ZNF385D: variants seen among roughly 807,000 people sequenced by gnomAD.
ZNF385D encodes the protein zinc finger protein 659.
Under a neutral mutation model 35.8 loss-of-function variants are expected in ZNF385D, and 15 were observed. The ratio of observed to expected loss-of-function variants is 0.42; its 90% CI spans 0.28 to 0.64. The LOEUF (loss-of-function observed/expected upper bound fraction) is 0.64, where lower values mean the gene tolerates loss of function less well. ZNF385D is among the 30% of genes least tolerant of loss of function. ZNF385D has a pLI of 0.23. For missense variants in ZNF385D, 474 were observed against 494.6 expected (o/e 0.96, Z 0.39); for synonymous variants, 212 against 186.8 (o/e 1.13, Z -1.10).
intron 4 of ZNF385D, among the ~76,000 whole-genome samples, chr3:21,460,870 CT>C (rs991753317): frequency 6.6e-6 from 1 of 152,162 alleles, no homozygotes; most frequent in Non-Finnish European, 1.5e-5. Flanking sequence ...AGCTTTCTCT[CT>C]GTCATGAGAA....
At chr3:21,670,707 A>G (rs1296730475) in intron 1 of ZNF385D, among the ~76,000 whole-genome samples, 1 of 113,546 alleles carries the variant, frequency 8.8e-6, no homozygotes, top group Non-Finnish European at 1.8e-5. Context: ...GCCAAGGAGA[A>G]CCCAAAGAAA....
chr3:21,968,208 A>T (rs1703021163), intron 3 of ZNF385D, among the ~76,000 whole-genome samples: 1 of 152,148 alleles, frequency 6.6e-6, no homozygotes, highest in Non-Finnish European at 1.5e-5. Flanking sequence ...CCACGGAGGG[A>T]GCATTTAGAC....
At chr3:21,496,959 A>G (rs1055130575) in intron 4 of ZNF385D, among the ~76,000 whole-genome samples, 1 of 152,178 alleles carries the variant, frequency 6.6e-6, no homozygotes, top group Non-Finnish European at 1.5e-5. Flanking sequence ...GAATGGGCAA[A>G]GCTGGAAGAA....
intron 3 of ZNF385D, among the ~76,000 whole-genome samples, chr3:22,156,405 T>G (rs925861381): frequency 6.6e-6 from 1 of 152,046 alleles, no homozygotes; most frequent in African/African-American, 2.4e-5. Flanking sequence ...CCTGCACAGA[T>G]GGATTACATG....
intron 3 of ZNF385D, among the ~76,000 whole-genome samples, chr3:21,936,213 G>A (rs755375889): frequency 7.2e-5 from 11 of 152,102 alleles, no homozygotes; most frequent in Non-Finnish European, 1.3e-4. Flanking sequence ...CACCAGATGA[G>A]AGAAATCTTG....
chr3:21,921,465 G>A (rs1700458119), intron 3 of ZNF385D, among the ~76,000 whole-genome samples: 1 of 152,046 alleles, frequency 6.6e-6, no homozygotes, highest in Non-Finnish European at 1.5e-5. Context: ...AAAGACAAAA[G>A]ACAGAGGTCC....
chr3:22,059,295 C>CTG (rs1699572426), intron 3 of ZNF385D, among the ~76,000 whole-genome samples: 1 of 152,106 alleles, frequency 6.6e-6, no homozygotes, highest in Non-Finnish European at 1.5e-5. Context: ...GCCACAGGGA[C>CTG]TGTGTGTGCA....
chr3:21,962,007 G>C (rs1042932619), intron 3 of ZNF385D, among the ~76,000 whole-genome samples: 3 of 152,090 alleles, frequency 2.0e-5, no homozygotes, highest in African/African-American at 7.2e-5. Flanking sequence ...TTAAGGAAGT[G>C]AGCCTTAATC....
At chr3:21,890,824 T>A (rs1413812191) in intron 3 of ZNF385D, among the ~76,000 whole-genome samples, 1 of 152,138 alleles carries the variant, frequency 6.6e-6, no homozygotes, top group Non-Finnish European at 1.5e-5. Context: ...TTGACTTGCA[T>A]TATGGAGAAG....
At chr3:21,540,494 G>A (rs913220325) in intron 3 of ZNF385D, among the ~76,000 whole-genome samples, 2 of 152,126 alleles carry the variant, frequency 1.3e-5, no homozygotes, top group Non-Finnish European at 2.9e-5. Flanking sequence ...TGGTTGGGAC[G>A]AAAAAAGTTG....
At chr3:21,806,006 T>C (rs2072624373) in intron 3 of ZNF385D, among the ~76,000 whole-genome samples, 1 of 152,138 alleles carries the variant, frequency 6.6e-6, no homozygotes, top group Admixed American at 6.5e-5. Context: ...TATAAAAGGA[T>C]ATTTGAATAA....
At chr3:22,014,303 G>T (rs1696750366) in intron 3 of ZNF385D, among the ~76,000 whole-genome samples, 1 of 152,054 alleles carries the variant, frequency 6.6e-6, no homozygotes, top group Non-Finnish European at 1.5e-5. Context: ...GAAGTTTAAG[G>T]CAAAGGAAGG....
intron 2 of ZNF385D, among the ~76,000 whole-genome samples, chr3:21,653,242 T>C (rs1423083672): frequency 6.6e-6 from 1 of 152,180 alleles, no homozygotes; most frequent in East Asian, 1.9e-4. Flanking sequence ...ATTCCAGTTG[T>C]CTCTTAAGGT....
intron 2 of ZNF385D, among the ~76,000 whole-genome samples, chr3:21,588,143 C>A (rs1407921854): frequency 6.6e-6 from 1 of 152,056 alleles, no homozygotes; most frequent in African/African-American, 2.4e-5. Context: ...TACCACAGAA[C>A]ACGATATTAT....
chr3:22,332,535 C>A (rs1364480829), intron 2 of ZNF385D, among the ~76,000 whole-genome samples: 4 of 151,328 alleles, frequency 2.6e-5, no homozygotes, highest in African/African-American at 9.7e-5. Context: ...TATTAAAAGA[C>A]AATAGGATGA....
intron 2 of ZNF385D, among the ~76,000 whole-genome samples, chr3:21,645,132 T>G (rs2065713712): frequency 6.6e-6 from 1 of 152,226 alleles, no homozygotes; most frequent in African/African-American, 2.4e-5. Flanking sequence ...GAGAAAGTTT[T>G]ATGATTTCAA....
At chr3:22,084,063 A>G (rs1369355268) in intron 3 of ZNF385D, among the ~76,000 whole-genome samples, 1 of 152,236 alleles carries the variant, frequency 6.6e-6, no homozygotes, top group Non-Finnish European at 1.5e-5. Context: ...GGCCTGTCTT[A>G]CAAGAGCTCC....
At chr3:22,104,847 G>C (rs1702122943) in intron 3 of ZNF385D, among the ~76,000 whole-genome samples, 2 of 152,126 alleles carry the variant, frequency 1.3e-5, no homozygotes, top group Non-Finnish European at 2.9e-5. Flanking sequence ...CTGAACTTGA[G>C]TGAATTAACT....
intron 3 of ZNF385D, among the ~76,000 whole-genome samples, chr3:22,107,205 T>C (rs978657871): frequency 1.3e-5 from 2 of 151,824 alleles, no homozygotes; most frequent in African/African-American, 2.4e-5. Flanking sequence ...TTATTCTTAA[T>C]AGAGACAGGG....
Sources: gnomAD v4.1 joint callset for allele counts (sites outside exome capture counted in the v4.1 genomes callset) on GRCh38, gnomAD v4.1.1 for gene constraint, MANE v1.5 for transcripts, NCBI Gene and HGNC (gene_info 2026-07-23, HGNC 2026-07-21) for gene names.